FGF12: variants seen among roughly 807,000 people sequenced by gnomAD.
FGF12 encodes the protein fibroblast growth factor 12.
In FGF12, 14 loss-of-function variants were observed where a neutral mutation model predicts 23.6. The observed-to-expected ratio is 0.59, with a 90% CI of 0.39 to 0.93. The LOEUF is 0.93. FGF12 is among the 40% of genes least tolerant of loss of function. The pLI is 0.00. For missense variants in FGF12, 175 were observed against 217.8 expected (o/e 0.80, Z 1.24); for synonymous variants, 62 against 77.3 (o/e 0.80, Z 1.04).
chr3:192,351,118 T>A (rs949663198), intron 3 of FGF12, among the ~76,000 whole-genome samples: 1 of 152,240 alleles, frequency 6.6e-6, no homozygotes, highest in African/African-American at 2.4e-5. Flanking sequence ...TCTTTTGTAA[T>A]GTGTTTAAAA....
intron 2 of FGF12, among the ~76,000 whole-genome samples, chr3:192,563,144 C>A (rs562971333): frequency 1.3e-5 from 2 of 151,998 alleles, no homozygotes; most frequent in Non-Finnish European, 2.9e-5. Flanking sequence ...TGGGACCTAC[C>A]GTTGAAGTTA....
intron 4 of FGF12, among the ~76,000 whole-genome samples, chr3:192,248,065 T>G (rs1171163873): frequency 1.3e-5 from 2 of 152,208 alleles, no homozygotes; most frequent in Non-Finnish European, 2.9e-5. Flanking sequence ...AATTTTATCT[T>G]GTTCCAATAT....
At position 192,398,656 on chromosome 3, in the gene FGF12, A is replaced by C. The variant is rs555159465; in HGVS notation, c.14-38118T>G. ...CTCAGCTTCCCAAAGTGCTGGAATT[A>C]CAGGTGTGAGCCAGCTCTTATATAT... On this transcript the variant is annotated intron_variant, in intron 2 of 5. Coordinates refer to ENST00000445105, the MANE Select transcript of FGF12 (RefSeq NM_004113.6). 1.8e-4 allele frequency among the ~76,000 whole-genome samples: 27 copies of C among 152,338 alleles called. 1 individual carries two copies. The highest frequency in any genetic ancestry group is 4.1e-4 in the South Asian group (2 of 4,828).
At chr3:192,477,592 T>C (rs950079391) in intron 2 of FGF12, among the ~76,000 whole-genome samples, 13 of 152,182 alleles carry the variant, frequency 8.5e-5, no homozygotes, top group Admixed American at 3.9e-4. Context: ...ATTTATATTG[T>C]AGTTCCAGTT....
chr3:192,458,544 C>T (rs908448650), intron 2 of FGF12, among the ~76,000 whole-genome samples: 1 of 152,112 alleles, frequency 6.6e-6, no homozygotes, highest in African/African-American at 2.4e-5. Flanking sequence ...AGCCTGTAAC[C>T]CCTTTGTTTT....
intron 4 of FGF12, among the ~76,000 whole-genome samples, chr3:192,256,177 C>T (rs1712374260): frequency 6.6e-6 from 1 of 152,046 alleles, no homozygotes; most frequent in South Asian, 2.1e-4. Context: ...ACTTCCCATG[C>T]AAATTAGTCA....
intron 2 of FGF12, among the ~76,000 whole-genome samples, chr3:192,707,864 C>T (rs572053894): frequency 2.0e-5 from 3 of 151,846 alleles, no homozygotes; most frequent in Admixed American, 1.3e-4. Context: ...GTTTTTATGC[C>T]GAGCCAGATT....
At chr3:192,666,568 T>A (rs1271147163) in intron 2 of FGF12, among the ~76,000 whole-genome samples, 1 of 152,216 alleles carries the variant, frequency 6.6e-6, no homozygotes, top group Admixed American at 6.5e-5. Context: ...GGGACCATAG[T>A]CTGGCTGTTG....
At chr3:192,590,367 T>C (rs1321447327) in intron 2 of FGF12, among the ~76,000 whole-genome samples, 1 of 151,982 alleles carries the variant, frequency 6.6e-6, no homozygotes, top group Non-Finnish European at 1.5e-5. Flanking sequence ...AAAACATACA[T>C]AGTTCTCAGG....
chr3:192,423,792 A>G (rs1721610125), intron 2 of FGF12, among the ~76,000 whole-genome samples: 1 of 152,180 alleles, frequency 6.6e-6, no homozygotes, highest in African/African-American at 2.4e-5. Flanking sequence ...AGGCTTTTTA[A>G]AAAAGTTCTA....
In FGF12 at chr3:192,677,902, AG is replaced by A. The variant is rs573091694; in HGVS notation, c.13+49278del. ...AAGAGGAAACACTGGAGTCATTTCC[AG>A]ATTAAGTCCTGGCACTATATTCTCT... On this transcript the variant is annotated intron_variant, in intron 2 of 5. Coordinates refer to ENST00000445105, the MANE Select transcript of FGF12 (RefSeq NM_004113.6). Among the ~76,000 whole-genome samples, 4 of 152,336 alleles carry A rather than the reference AG, an allele frequency of 2.6e-5. No homozygotes were observed. The East Asian group carries it at 7.7e-4, about 29-fold the overall frequency.
At chr3:192,402,508 C>T (rs995718185) in intron 2 of FGF12, among the ~76,000 whole-genome samples, 13 of 152,194 alleles carry the variant, frequency 8.5e-5, no homozygotes, top group African/African-American at 2.7e-4. Context: ...TCATCAGATT[C>T]CCTCCAACAA....
intron 4 of FGF12, among the ~76,000 whole-genome samples, chr3:192,307,209 A>G (rs1280528715): frequency 6.6e-6 from 1 of 152,240 alleles, no homozygotes; most frequent in Non-Finnish European, 1.5e-5. Flanking sequence ...CAATGGAGAC[A>G]GAGACAGAAA....
chr3:192,704,364 T>C (rs1310844511), intron 2 of FGF12, among the ~76,000 whole-genome samples: 1 of 152,182 alleles, frequency 6.6e-6, no homozygotes, highest in Non-Finnish European at 1.5e-5. Context: ...AACATTAATC[T>C]CCTTGTATTT....
intron 2 of FGF12, among the ~76,000 whole-genome samples, chr3:192,419,406 C>T (rs1019348125): frequency 6.6e-6 from 1 of 152,052 alleles, no homozygotes; most frequent in Non-Finnish European, 1.5e-5. Flanking sequence ...TGTGTGTGTG[C>T]AAGAGATTCA....
chr3:192,555,110 A>G (rs1711707017), intron 2 of FGF12, among the ~76,000 whole-genome samples: 1 of 152,176 alleles, frequency 6.6e-6, no homozygotes, highest in Non-Finnish European at 1.5e-5. Flanking sequence ...AGGGAAGGAA[A>G]GATTATTTGA....
At chr3:192,656,968 T>C (rs75167956) in intron 2 of FGF12, among the ~76,000 whole-genome samples, 2 of 152,306 alleles carry the variant, frequency 1.3e-5, no homozygotes, top group East Asian at 3.9e-4. Context: ...GGATAGGTAT[T>C]AGTATAAAGT....
chr3:192,494,571 T>G (rs1383221140), intron 2 of FGF12, among the ~76,000 whole-genome samples: 1 of 152,208 alleles, frequency 6.6e-6, no homozygotes, highest in Admixed American at 6.5e-5. Context: ...ATCCCCTAGA[T>G]GCATTCTAGT....
At chr3:192,718,832 C>T (rs1190804868) in intron 2 of FGF12, among the ~76,000 whole-genome samples, 1 of 152,186 alleles carries the variant, frequency 6.6e-6, no homozygotes, top group Non-Finnish European at 1.5e-5. Flanking sequence ...CTCAAACCCA[C>T]ACTGAGTCCT....
Sources: gnomAD v4.1 joint callset for allele counts (sites outside exome capture counted in the v4.1 genomes callset) on GRCh38, gnomAD v4.1.1 for gene constraint, MANE v1.5 for transcripts, NCBI Gene and HGNC (gene_info 2026-07-23, HGNC 2026-07-21) for gene names.